MRPL14: variants seen among roughly 807,000 people sequenced by gnomAD.
MRPL14 encodes the protein mitochondrial ribosomal protein L14, also known as large ribosomal subunit protein uL14m.
A neutral mutation model predicts 10.9 loss-of-function variants in MRPL14; 8 were observed. The observed-to-expected ratio is 0.74, with a 90% CI of 0.43 to 1.33. The LOEUF (loss-of-function observed/expected upper bound fraction) is 1.33. Ranked by LOEUF, MRPL14 falls within the 40% of genes most tolerant of loss-of-function variation. The pLI, the probability that MRPL14 is intolerant of heterozygous loss-of-function variation, is 0.01. For synonymous variants in MRPL14, 82 were observed against 74.1 expected, an observed-to-expected ratio of 1.11 and a Z score of -0.54; for missense variants, 179 against 194.5, an observed-to-expected ratio of 0.92 and a Z score of 0.47.
intron 2 of MRPL14, among the ~76,000 whole-genome samples, chr6:44,114,765 T>A (rs542351830): frequency 6.6e-6 from 1 of 152,282 alleles, no homozygotes; most frequent in Admixed American, 6.5e-5. Flanking sequence ...CCTGCTGCCA[T>A]GCCCAGCTAA....
At chr6:44,126,192 C>A (rs1314000955) in intron 1 of MRPL14, among the ~76,000 whole-genome samples, 1 of 152,194 alleles carries the variant, frequency 6.6e-6, no homozygotes, top group African/African-American at 2.4e-5. Flanking sequence ...TTTCTCACTG[C>A]GACCTACAGA....
At chr6:44,114,403 G>A (rs1475124494) in intron 2 of MRPL14, among the ~76,000 whole-genome samples, 194 bp from the exon 3 acceptor site, 1 of 152,220 alleles carries the variant, frequency 6.6e-6, no homozygotes, top group Non-Finnish European at 1.5e-5. Flanking sequence ...CCTCACAATT[G>A]AGAGCTTCTG....
Position 44,113,829 on chromosome 6 carries a change from G to A in MRPL14, c.*14C>T. 6.5e-7 allele frequency: 1 copy of A among 1,538,008 alleles called. No individual in the cohort carries two copies. The highest frequency in any genetic ancestry group is 1.4e-5 in the African/African-American group (1 of 72,756). ...TCCATTCACGAGTCCTGCAACCAGA[G>A]GCCTGGGCTCAACTCACACAAAGTT... On this transcript the variant is annotated 3_prime_UTR_variant, in exon 3 of 3. Coordinates refer to ENST00000372014, the MANE Select transcript of MRPL14 (RefSeq NM_032111.4).
chr6:44,122,189 T>A (rs1327971241), intron 1 of MRPL14, among the ~76,000 whole-genome samples: 1 of 151,602 alleles, frequency 6.6e-6, no homozygotes, highest in African/African-American at 2.4e-5. Context: ...TTCACACCAT[T>A]CTCCTGCCTC....
intron 1 of MRPL14, 103 bp from the exon 2 acceptor site, chr6:44,116,732 A>T (rs1241911596): frequency 8.2e-6 from 6 of 728,220 alleles, no homozygotes; most frequent in Middle Eastern, 2.4e-4. Context: ...CCAGCACAAG[A>T]TCATTAGTCA....
chr6:44,115,749 A>T (rs544086034), intron 2 of MRPL14, among the ~76,000 whole-genome samples: 26 of 152,266 alleles, frequency 1.7e-4, no homozygotes, highest in South Asian at 1.5e-3. Flanking sequence ...AGAACCAGGA[A>T]CCACTTCCCC....
chr6:44,114,493 T>C (rs1775650129), intron 2 of MRPL14, among the ~76,000 whole-genome samples: 1 of 152,238 alleles, frequency 6.6e-6, no homozygotes, highest in Non-Finnish European at 1.5e-5. Flanking sequence ...ACAGCAGCCA[T>C]AACTTAAAGC....
At chr6:44,114,744 G>A (rs1189855546) in intron 2 of MRPL14, among the ~76,000 whole-genome samples, 1 of 152,180 alleles carries the variant, frequency 6.6e-6, no homozygotes, top group Non-Finnish European at 1.5e-5. Flanking sequence ...AAGTAGCTAG[G>A]AATACATGCG....
intron 1 of MRPL14, among the ~76,000 whole-genome samples, chr6:44,123,798 G>T (rs764984817): frequency 1.4e-4 from 22 of 152,158 alleles, no homozygotes; most frequent in Non-Finnish European, 2.9e-4. Context: ...TGGAGCTCAG[G>T]GGTTGGGGAT....
chr6:44,116,479 C>T, intron 2 of MRPL14, 62 bp downstream of exon 2: 1 of 1,532,182 alleles, frequency 6.5e-7, no homozygotes. Flanking sequence ...CACCGTAATA[C>T]CCAGCCCTGA....
chr6:44,117,998 G>A (rs1469991302), intron 1 of MRPL14, among the ~76,000 whole-genome samples: 1 of 151,812 alleles, frequency 6.6e-6, no homozygotes, highest in Non-Finnish European at 1.5e-5. Flanking sequence ...GCCTTTAAAT[G>A]CTTATTAACT....
At chr6:44,114,463 T>C (rs1433065834) in intron 2 of MRPL14, among the ~76,000 whole-genome samples, 3 of 152,208 alleles carry the variant, frequency 2.0e-5, no homozygotes, top group South Asian at 4.1e-4. Context: ...GAACCCAATT[T>C]TTCTGTGACA....
At position 44,114,105 on chromosome 6, in the gene MRPL14, T is replaced by C. The variant is rs746742922; in HGVS notation, c.176A>G (p.His59Arg). The C allele has an allele frequency of 3.1e-6, 5 of 1,614,190 alleles. No individual in the cohort carries two copies. Among genetic ancestry groups the C allele is most frequent in the South Asian group, 1.1e-5 (1 of 91,082 alleles). ...GCCCACTCCATTCTTCTTATAGACA[T>C]GGATGCAGCGAGGAGCCCGATGGTA... ...SPYHRAPRCIHVYKKNGVGKV... is the reference protein window; with the variant it reads ...SPYHRAPRCIRVYKKNGVGKV... The change falls in exon 3 of 3, where the codon CAT (histidine) becomes CGT (arginine). Residue 59 changes from histidine (H) to arginine (R), a missense_variant. Transcript: ENST00000372014.
At chr6:44,121,769 G>A (rs963639934) in intron 1 of MRPL14, among the ~76,000 whole-genome samples, 6 of 152,110 alleles carry the variant, frequency 3.9e-5, no homozygotes, top group African/African-American at 9.7e-5. Context: ...GTGAAACCCC[G>A]TCTCTACCAA....
chr6:44,126,677 C>T (rs1777094719), intron 1 of MRPL14, among the ~76,000 whole-genome samples: 1 of 152,188 alleles, frequency 6.6e-6, no homozygotes, highest in South Asian at 2.1e-4. Flanking sequence ...GCAATACTTC[C>T]TTTTTGTCCC....
intron 1 of MRPL14, among the ~76,000 whole-genome samples, chr6:44,125,631 A>G (rs938114856): frequency 1.5e-5 from 2 of 130,346 alleles, no homozygotes; most frequent in Non-Finnish European, 3.1e-5. Flanking sequence ...AGATCTCCCC[A>G]GCCTGGGCAA....
intron 2 of MRPL14, 114 bp from the exon 3 acceptor site, chr6:44,114,323 A>C (rs1012597890): frequency 7.9e-7 from 1 of 1,273,666 alleles, no homozygotes; most frequent in African/African-American, 1.5e-5. Context: ...CACACAGAGC[A>C]GAGTGCTGTC....
chr6:44,116,420 T>C (rs2128193718), intron 2 of MRPL14, 121 bp downstream of exon 2: 2 of 991,592 alleles, frequency 2.0e-6, no homozygotes, highest in South Asian at 1.4e-5. Context: ...TCACTTTAGC[T>C]TTCCCCAACC....
chr6:44,123,352 G>A (rs559857628), intron 1 of MRPL14, among the ~76,000 whole-genome samples: 2 of 152,316 alleles, frequency 1.3e-5, no homozygotes, highest in South Asian at 4.1e-4. Flanking sequence ...CCACTAATAA[G>A]CTACATGGAT....
Sources: gnomAD v4.1 joint callset for allele counts (sites outside exome capture counted in the v4.1 genomes callset) on GRCh38, gnomAD v4.1.1 for gene constraint, MANE v1.5 for transcripts, NCBI Gene and HGNC (gene_info 2026-07-23, HGNC 2026-07-21) for gene names.